TTLL11: variants seen among roughly 807,000 people sequenced by gnomAD.
The protein encoded by TTLL11 is tubulin tyrosine ligase like 11, also known as tubulin polyglutamylase TTLL11.
TTLL11 carries 42 observed loss-of-function variants against 51.7 expected under a neutral mutation model. The ratio of observed to expected loss-of-function variants is 0.81; its 90% confidence interval spans 0.64 to 1.05. The LOEUF is 1.05. TTLL11 is among the 50% of genes least tolerant of loss of function. The probability of loss-of-function intolerance (pLI) is 0.00; values close to 1 mark genes in which losing one functional copy is unlikely to be tolerated. For missense variants in TTLL11, 799 were observed against 940.4 expected (o/e 0.85, Z 1.97); for synonymous variants, 381 against 383.5 (o/e 0.99, Z 0.08).
chr9:121,945,957 T>C (rs1248651643), intron 6 of TTLL11, among the ~76,000 whole-genome samples: 1 of 152,048 alleles, frequency 6.6e-6, no homozygotes, highest in Non-Finnish European at 1.5e-5. Flanking sequence ...CTTCCTTCCA[T>C]CTTTCGAAAA....
At chr9:121,970,543 T>C (rs1842519689) in intron 6 of TTLL11, among the ~76,000 whole-genome samples, 1 of 152,132 alleles carries the variant, frequency 6.6e-6, no homozygotes, top group Non-Finnish European at 1.5e-5. Context: ...GCGAATGATA[T>C]GAACAGACAC....
intron 6 of TTLL11, among the ~76,000 whole-genome samples, chr9:121,895,537 G>GAC (rs1839441445): frequency 4.0e-5 from 6 of 151,250 alleles, no homozygotes; most frequent in Admixed American, 4.0e-4. Context: ...CTGTGACTGT[G>GAC]TGTTTCGTTG....
intron 2 of TTLL11, 73 bp downstream of exon 2, chr9:122,039,199 T>C (rs1466296510): frequency 3.2e-6 from 4 of 1,250,782 alleles, no homozygotes; most frequent in Non-Finnish European, 2.3e-6. Context: ...ATAACTGTCA[T>C]GTTTTAGTAG....
At chr9:122,058,039 G>T (rs568984768) in intron 1 of TTLL11, among the ~76,000 whole-genome samples, 2 of 152,360 alleles carry the variant, frequency 1.3e-5, no homozygotes, top group African/African-American at 4.8e-5. Context: ...GGCTACAGGA[G>T]CATGAAGCAG....
chr9:121,944,014 T>A (rs912090606), intron 6 of TTLL11, among the ~76,000 whole-genome samples: 3 of 152,244 alleles, frequency 2.0e-5, no homozygotes, highest in African/African-American at 7.2e-5. Flanking sequence ...CCCAGATTAA[T>A]GGACATTTAC....
chr9:121,880,796 T>C (rs1039453909), intron 6 of TTLL11, among the ~76,000 whole-genome samples: 2 of 152,192 alleles, frequency 1.3e-5, no homozygotes, highest in African/African-American at 4.8e-5. Context: ...ACAATCCAAT[T>C]AGTTAGTCAC....
rs1238387316 is a variant in TTLL11, at chr9:121,819,128, C to T, written c.*3459G>A. ...CTCTCCTGGAGGCCCTGCCTCTGCC[C>T]ACTGGGAGGGGTCTGTTGGGACCAG... On this transcript the variant is annotated 3_prime_UTR_variant, in exon 9 of 9. Coordinates refer to ENST00000321582, the MANE Select transcript of TTLL11 (RefSeq NM_001139442.2). 2 of 152,548 alleles carry T rather than the reference C, an allele frequency of 1.3e-5. No individual in the cohort carries two copies. The highest frequency in any genetic ancestry group is 2.4e-5 in the African/African-American group (1 of 41,432). The allele number at this position is 152,548 out of a possible 1,614,324, so 9.4% of individuals were successfully genotyped here.
intron 1 of TTLL11, among the ~76,000 whole-genome samples, chr9:122,079,754 C>A (rs951462404): frequency 1.8e-4 from 28 of 151,536 alleles, no homozygotes; most frequent in African/African-American, 6.3e-4. Flanking sequence ...GGCAATAAAA[C>A]TGCCAAAGTA....
At chr9:121,907,213 G>A (rs140756022) in intron 6 of TTLL11, among the ~76,000 whole-genome samples, 9 of 152,240 alleles carry the variant, frequency 5.9e-5, no homozygotes, top group Non-Finnish European at 1.0e-4. Context: ...AAATTGGGAG[G>A]CTGGGGTGGG....
rs78612594 is a variant in TTLL11 at position 122,015,015 on chromosome 9, G to A, written c.693+16708C>T. On this transcript the variant is annotated intron_variant, in intron 3 of 8. Coordinates refer to ENST00000321582, the MANE Select transcript of TTLL11 (RefSeq NM_001139442.2). ...TACACCAGCAGTTGTATAACCGGGAGCAAGTACCTGTGATTCTGATCCTTT... is the reference window on the plus strand; with the variant it reads ...TACACCAGCAGTTGTATAACCGGGAACAAGTACCTGTGATTCTGATCCTTT... Among the ~76,000 whole-genome samples, 955 of 152,290 alleles carry A rather than the reference G, an allele frequency of 6.3e-3. 5 individuals are homozygous for A. The highest frequency in any genetic ancestry group is 0.01 in the Non-Finnish European group (709 of 68,022).
intron 3 of TTLL11, among the ~76,000 whole-genome samples, chr9:122,023,334 C>T (rs75525211): frequency 1.3e-5 from 2 of 151,940 alleles, no homozygotes; most frequent in East Asian, 3.9e-4. Flanking sequence ...AAATACCAAG[C>T]TCACATGATT....
intron 8 of TTLL11, among the ~76,000 whole-genome samples, chr9:121,856,898 C>T (rs541911137): frequency 6.6e-6 from 1 of 152,336 alleles, no homozygotes; most frequent in African/African-American, 2.4e-5. Flanking sequence ...GGAAGAACGA[C>T]CACTTAACCA....
chr9:121,842,022 C>T (rs1291662014), intron 8 of TTLL11, among the ~76,000 whole-genome samples: 1 of 152,098 alleles, frequency 6.6e-6, no homozygotes, highest in African/African-American at 2.4e-5. Flanking sequence ...TGCCTTCTTC[C>T]ACCTCTCAGG....
chr9:122,042,441 G>A (rs1844872220), intron 1 of TTLL11, among the ~76,000 whole-genome samples: 1 of 152,204 alleles, frequency 6.6e-6, no homozygotes, highest in Admixed American at 6.5e-5. Context: ...CAAGGACGTC[G>A]AGCAACAGGA....
intron 1 of TTLL11, among the ~76,000 whole-genome samples, chr9:122,082,409 C>T (rs191951544): frequency 7.3e-4 from 108 of 147,744 alleles, no homozygotes; most frequent in Non-Finnish European, 8.9e-5. Context: ...GGCTGAGGCA[C>T]GAGAATTGCT....
intron 3 of TTLL11, among the ~76,000 whole-genome samples, chr9:122,001,095 T>A (rs1843448829): frequency 1.3e-5 from 2 of 152,148 alleles, no homozygotes; most frequent in Non-Finnish European, 2.9e-5. Flanking sequence ...GCAACACTGT[T>A]TTTTGGTTTT....
intron 6 of TTLL11, among the ~76,000 whole-genome samples, chr9:121,877,996 C>A (rs763132379): frequency 6.6e-6 from 1 of 152,166 alleles, no homozygotes; most frequent in Non-Finnish European, 1.5e-5. Flanking sequence ...ACAAATGGTC[C>A]CATTTCACTG....
chr9:122,053,254 G>A (rs573478076), intron 1 of TTLL11, among the ~76,000 whole-genome samples: 1 of 152,304 alleles, frequency 6.6e-6, no homozygotes, highest in African/African-American at 2.4e-5. Context: ...GAGCCCAGAG[G>A]GAGGAGCAGT....
At chr9:122,064,924 T>C (rs1845537939) in intron 1 of TTLL11, among the ~76,000 whole-genome samples, 1 of 152,164 alleles carries the variant, frequency 6.6e-6, no homozygotes, top group Non-Finnish European at 1.5e-5. Context: ...CTCAGACCTG[T>C]GCTTTCTGAC....
Sources: gnomAD v4.1 joint callset for allele counts (sites outside exome capture counted in the v4.1 genomes callset) on GRCh38, gnomAD v4.1.1 for gene constraint, MANE v1.5 for transcripts, NCBI Gene and HGNC (gene_info 2026-07-23, HGNC 2026-07-21) for gene names.